SVOPL: variants seen among roughly 807,000 people sequenced by gnomAD.
SVOPL encodes the protein putative transporter SVOPL.
A neutral mutation model predicts 61.0 loss-of-function variants in SVOPL; 60 were observed. The observed-to-expected ratio is 0.98, with a 90% CI of 0.80 to 1.22. The LOEUF is 1.22. Among genes scored for constraint, SVOPL ranks in the 50% most tolerant of loss-of-function variants. The probability of loss-of-function intolerance (pLI) is 0.00; values close to 1 mark genes in which losing one functional copy is unlikely to be tolerated. For synonymous variants in SVOPL, 279 were observed against 250.0 expected, an observed-to-expected ratio of 1.12 and a Z score of -1.09; for missense variants, 662 against 643.9, an observed-to-expected ratio of 1.03 and a Z score of -0.30.
intron 7 of SVOPL, among the ~76,000 whole-genome samples, chr7:138,653,980 A>G (rs962452847): frequency 1.3e-5 from 2 of 151,436 alleles, no homozygotes; most frequent in Non-Finnish European, 2.9e-5. Flanking sequence ...AAAAAATACA[A>G]AAGTTAGCTG....
chr7:138,687,837 C>T (rs1434201860), intron 1 of SVOPL, among the ~76,000 whole-genome samples: 1 of 150,740 alleles, frequency 6.6e-6, no homozygotes, highest in Non-Finnish European at 1.5e-5. Flanking sequence ...GAGTCTTGCT[C>T]TGTCACCAGG....
chr7:138,698,663 G>T (rs1183296235), intron 1 of SVOPL, among the ~76,000 whole-genome samples: 1 of 152,128 alleles, frequency 6.6e-6, no homozygotes, highest in African/African-American at 2.4e-5. Flanking sequence ...TTGCAGTTTT[G>T]TGCAATTCTC....
chr7:138,674,463 C>A (rs909191603), intron 3 of SVOPL, among the ~76,000 whole-genome samples: 8 of 151,880 alleles, frequency 5.3e-5, no homozygotes, highest in African/African-American at 1.7e-4. Context: ...TTGGTCCCTG[C>A]ACCCAAATAA....
chr7:138,656,627 T>C, intron 6 of SVOPL, 116 bp from the exon 7 acceptor site: 1 of 1,067,938 alleles, frequency 9.4e-7, no homozygotes, highest in Non-Finnish European at 1.4e-6. Context: ...AGAAGTTGAT[T>C]ATATATCAGA....
intron 9 of SVOPL, among the ~76,000 whole-genome samples, chr7:138,640,106 G>A (rs1390472030): frequency 6.6e-6 from 1 of 151,608 alleles, no homozygotes; most frequent in African/African-American, 2.4e-5. Context: ...TAAAAATAAA[G>A]AGCTGAAAAA....
intron 15 of SVOPL, among the ~76,000 whole-genome samples, chr7:138,595,060 T>C (rs1466464813): frequency 6.6e-6 from 1 of 152,122 alleles, no homozygotes; most frequent in South Asian, 2.1e-4. Context: ...CTGGCCAATA[T>C]TCTCCTTCTA....
intron 1 of SVOPL, among the ~76,000 whole-genome samples, chr7:138,679,656 G>A (rs540643064): frequency 6.6e-6 from 1 of 152,062 alleles, no homozygotes; most frequent in Admixed American, 6.6e-5. Context: ...TCCTAAAATG[G>A]GGATGATATA....
intron 12 of SVOPL, 39 bp from the exon 13 acceptor site, chr7:138,626,089 C>CAT: frequency 6.2e-7 from 1 of 1,601,178 alleles, no homozygotes; most frequent in South Asian, 1.1e-5. Context: ...TAAAAGGCAG[C>CAT]ATGGAGGACC....
At chr7:138,688,216 T>C (rs894074216) in intron 1 of SVOPL, among the ~76,000 whole-genome samples, 1 of 151,518 alleles carries the variant, frequency 6.6e-6, no homozygotes, top group African/African-American at 2.4e-5. Flanking sequence ...ATTCGGGAAA[T>C]GCAAATCAAA....
chr7:138,653,373 G>GA (rs1260514802), intron 7 of SVOPL, among the ~76,000 whole-genome samples: 1 of 152,094 alleles, frequency 6.6e-6, no homozygotes, highest in African/African-American at 2.4e-5. Flanking sequence ...GGCTACAGAG[G>GA]AAAAAATCAG....
intron 13 of SVOPL, among the ~76,000 whole-genome samples, chr7:138,625,431 T>G (rs1799849299): frequency 6.6e-6 from 1 of 152,210 alleles, no homozygotes; most frequent in East Asian, 1.9e-4. Flanking sequence ...ATTGTTTCAT[T>G]TCTAGGAATA....
Position 138,691,643 on chromosome 7 carries a change from C to A in SVOPL, c.-35+9535G>T, listed in dbSNP as rs1019049837. 2.6e-5 allele frequency among the ~76,000 whole-genome samples: 4 copies of A among 152,158 alleles called. No homozygotes were observed. The East Asian group carries it at 7.8e-4, about 29-fold the overall frequency. The stretch of plus-strand genomic sequence containing the variant: ...GCAACCTCTGCCTCCCAGGTTCAAG[C>A]GATTCTCGTGCCTCAGCCTCCCGAG... On this transcript the variant is annotated intron_variant, in intron 1 of 15. Transcript: ENST00000674285.
chr7:138,641,814 T>TTATATATATATATATATATA lies in SVOPL; in HGVS notation c.789+2883_789+2902dup, dbSNP rs10666134. Among the ~76,000 whole-genome samples, 223 of 120,934 alleles carry TTATATATATATATATATATA rather than the reference T, an allele frequency of 1.8e-3. 1 individual carries two copies. The highest frequency in any genetic ancestry group is 8.5e-3 in the Middle Eastern group (2 of 236). The allele number at this position is 120,934 out of a possible 152,430, so 79.3% of individuals were successfully genotyped here. A position where few individuals can be genotyped will look rare whatever the true frequency, so the allele number is the denominator to read the frequency against. On this transcript the variant is annotated intron_variant, in intron 9 of 15. Coordinates refer to ENST00000674285, the MANE Select transcript of SVOPL (RefSeq NM_001139456.2). ...TCTAGACGTATCAAATATATATATG[T>TTATATATATATATATATATA]TATATATATATATATATATAACATA...
intron 1 of SVOPL, chr7:138,688,872 G>A (rs754805403): frequency 1.0e-5 from 4 of 393,046 alleles, no homozygotes; most frequent in Non-Finnish European, 1.5e-5. Flanking sequence ...CTAACCTCTA[G>A]TACCTCAGAA....
intron 14 of SVOPL, among the ~76,000 whole-genome samples, chr7:138,603,057 A>C (rs1415269532): frequency 2.6e-5 from 4 of 152,214 alleles, no homozygotes; most frequent in Non-Finnish European, 4.4e-5. Flanking sequence ...ATATATACAT[A>C]CACATCCACA....
intron 1 of SVOPL, among the ~76,000 whole-genome samples, chr7:138,690,749 G>A (rs1469722325): frequency 2.6e-5 from 4 of 151,422 alleles, no homozygotes; most frequent in African/African-American, 9.7e-5. Context: ...CAAGATCACT[G>A]AATTGTACCC....
chr7:138,672,315 T>C (rs532237709), intron 3 of SVOPL, among the ~76,000 whole-genome samples, 198 bp from the exon 4 acceptor site: 1 of 152,330 alleles, frequency 6.6e-6, no homozygotes, highest in Admixed American at 6.5e-5. Context: ...GTGACTTTCA[T>C]GGTTTGAACA....
At chr7:138,595,967 C>G (rs1201036983) in intron 15 of SVOPL, among the ~76,000 whole-genome samples, 1 of 152,046 alleles carries the variant, frequency 6.6e-6, no homozygotes, top group African/African-American at 2.4e-5. Flanking sequence ...ACAGGTGGAT[C>G]ATTTGAGGTC....
At chr7:138,643,787 G>T (rs1203156690) in intron 9 of SVOPL, among the ~76,000 whole-genome samples, 1 of 151,996 alleles carries the variant, frequency 6.6e-6, no homozygotes, top group Non-Finnish European at 1.5e-5. Context: ...AATGAGTATA[G>T]AATTTCAGCT....
Sources: gnomAD v4.1 joint callset for allele counts (sites outside exome capture counted in the v4.1 genomes callset) on GRCh38, gnomAD v4.1.1 for gene constraint, MANE v1.5 for transcripts, NCBI Gene and HGNC (gene_info 2026-07-23, HGNC 2026-07-21) for gene names.